NFIB: variants seen among roughly 807,000 people sequenced by gnomAD.
NFIB encodes nuclear factor 1 B-type.
Under a neutral mutation model 61.5 loss-of-function variants are expected in NFIB, and 11 were observed. The observed-to-expected ratio is 0.18, with a 90% CI of 0.11 to 0.30. The LOEUF is 0.30. Ranked by LOEUF, NFIB falls within the 10% of genes least tolerant of loss-of-function variation. The pLI, the probability that NFIB is intolerant of heterozygous loss-of-function variation, is 1.00. For missense variants in NFIB, 471 were observed against 608.9 expected, an observed-to-expected ratio of 0.77 and a Z score of 2.38; for synonymous variants, 260 against 216.5, an observed-to-expected ratio of 1.20 and a Z score of -1.76.
intron 2 of NFIB, among the ~76,000 whole-genome samples, chr9:14,244,713 A>G (rs2054714656): frequency 6.6e-6 from 1 of 152,222 alleles, no homozygotes; most frequent in Non-Finnish European, 1.5e-5. Context: ...CAAAGATAAT[A>G]GGCTCAAAGT....
intron 2 of NFIB, among the ~76,000 whole-genome samples, chr9:14,196,117 G>A (rs923565269): frequency 9.9e-5 from 15 of 151,540 alleles, no homozygotes; most frequent in South Asian, 4.2e-4. Context: ...TTAATTTTCC[G>A]TTCACCTGTT....
At chr9:14,500,752 TG>T in the NFIB span, among the ~76,000 whole-genome samples, 42 of 152,258 alleles carry the variant, frequency 2.8e-4, no homozygotes, top group African/African-American at 9.9e-4. Context: ...CTCTTCTTAG[TG>T]GGAGGAGAAT....
chr9:14,364,145 A>G (rs1009336207), intron 1 of NFIB, among the ~76,000 whole-genome samples: 1 of 152,162 alleles, frequency 6.6e-6, no homozygotes, highest in Non-Finnish European at 1.5e-5. Flanking sequence ...TTGCCCTCCA[A>G]TAATTTTATA....
intron 2 of NFIB, among the ~76,000 whole-genome samples, chr9:14,226,827 G>C (rs1483329231): frequency 1.3e-5 from 2 of 152,022 alleles, no homozygotes; most frequent in Non-Finnish European, 2.9e-5. Context: ...TCACATGGGT[G>C]GGGAAGTTGT....
intron 10 of NFIB, among the ~76,000 whole-genome samples, chr9:14,111,195 A>G (rs2037312342): frequency 6.6e-6 from 1 of 152,174 alleles, no homozygotes; most frequent in Admixed American, 6.5e-5. Flanking sequence ...ATTAAAATTC[A>G]TATTTTCATG....
chr9:14,488,769 C>T, the NFIB span, among the ~76,000 whole-genome samples: 1 of 152,130 alleles, frequency 6.6e-6, no homozygotes, highest in South Asian at 2.1e-4. Flanking sequence ...ACAATGAATA[C>T]ATTAAAGCAA....
At chr9:14,495,445 A>ATTTTT in the NFIB span, among the ~76,000 whole-genome samples, 14 of 98,090 alleles carry the variant, frequency 1.4e-4, 2 homozygotes, top group Non-Finnish European at 2.1e-4. Flanking sequence ...AGAGAAATGA[A>ATTTTT]CTTTTTTTTT....
chr9:14,430,030 G>A, the NFIB span, among the ~76,000 whole-genome samples: 7 of 152,088 alleles, frequency 4.6e-5, no homozygotes, highest in Admixed American at 1.3e-4. Context: ...CTAAAATGTA[G>A]GCATAGAAAA....
upstream of NFIB, among the ~76,000 whole-genome samples, chr9:14,316,782 G>A (rs1450242567): frequency 6.6e-6 from 1 of 152,110 alleles, no homozygotes; most frequent in South Asian, 2.1e-4. Context: ...TGAGGGGAGG[G>A]GGTGGGGAAG....
chr9:14,477,377 G>A, the NFIB span, among the ~76,000 whole-genome samples: 1 of 152,212 alleles, frequency 6.6e-6, no homozygotes, highest in African/African-American at 2.4e-5. Context: ...GTATATATAA[G>A]TGAATGTATA....
chr9:14,415,503 G>T, the NFIB span, among the ~76,000 whole-genome samples: 4 of 152,208 alleles, frequency 2.6e-5, no homozygotes, highest in Non-Finnish European at 5.9e-5. Context: ...CACAAAGTGT[G>T]AATAGCAGGA....
chr9:14,449,484 C>G, the NFIB span, among the ~76,000 whole-genome samples: 1 of 151,988 alleles, frequency 6.6e-6, no homozygotes, highest in African/African-American at 2.4e-5. Flanking sequence ...TAAAGACAGT[C>G]GGAAATATTC....
chr9:14,442,457 C>T, the NFIB span, among the ~76,000 whole-genome samples: 3 of 152,162 alleles, frequency 2.0e-5, no homozygotes, highest in Non-Finnish European at 4.4e-5. Flanking sequence ...CTAGGGCCGC[C>T]ATAACAAAGC....
At chr9:14,321,903 AAG>A in intron 1 of NFIB, 1 of 1,231,732 alleles carries the variant, frequency 8.1e-7, no homozygotes, top group Admixed American at 4.2e-5. Flanking sequence ...GAACGAATAA[AAG>A]AAGCAAACAA....
chr9:14,280,881 T>TTATATAAAAGAATTATATATTTTTTGTTA lies in NFIB; in HGVS notation c.562+26107_562+26108insTAACAAAAAATATATAATTCTTTTATATA, dbSNP rs2058330307. Among the ~76,000 whole-genome samples the TTATATAAAAGAATTATATATTTTTTGTTA allele has an allele frequency of 3.3e-5, 5 of 152,228 alleles. No homozygotes were observed. In the South Asian group the frequency reaches 1.0e-3, roughly 32 times the overall value. On this transcript the variant is annotated intron_variant, in intron 2 of 10. Coordinates refer to ENST00000380953, the MANE Select transcript of NFIB (RefSeq NM_001190737.2). ...AGGAAGACTAGGATTCTTTTATATG[T>TTATATAAAAGAATTATATATTTTTTGTTA]TATATAGTTGTGATCATTTAAAAAA...
At chr9:14,199,116 G>A (rs1431005680) in intron 2 of NFIB, among the ~76,000 whole-genome samples, 1 of 152,198 alleles carries the variant, frequency 6.6e-6, no homozygotes, top group Non-Finnish European at 1.5e-5. Flanking sequence ...CTGCAAGTTC[G>A]CTTCTACAGC....
At chr9:14,242,076 G>A (rs771364980) in intron 2 of NFIB, among the ~76,000 whole-genome samples, 4 of 152,072 alleles carry the variant, frequency 2.6e-5, no homozygotes, top group East Asian at 1.9e-4. Flanking sequence ...AGCAAAAGGC[G>A]ACAGAGTCCA....
chr9:14,514,626 A>G, the NFIB span, among the ~76,000 whole-genome samples: 1 of 152,160 alleles, frequency 6.6e-6, no homozygotes, highest in African/African-American at 2.4e-5. Context: ...GTGGGTCAAT[A>G]TTTAACACCC....
At chr9:14,105,381 T>G (rs2036407473) in intron 10 of NFIB, among the ~76,000 whole-genome samples, 1 of 152,236 alleles carries the variant, frequency 6.6e-6, no homozygotes, top group South Asian at 2.1e-4. Flanking sequence ...GAATTTCCTT[T>G]TAGTTACTAA....
Sources: gnomAD v4.1 joint callset for allele counts (sites outside exome capture counted in the v4.1 genomes callset) on GRCh38, gnomAD v4.1.1 for gene constraint, MANE v1.5 for transcripts, NCBI Gene and HGNC (gene_info 2026-07-23, HGNC 2026-07-21) for gene names.